Variants in OR1J2 observed in about 807,000 individuals in gnomAD.
The protein encoded by OR1J2 is olfactory receptor 1J2.
For synonymous variants in OR1J2, 142 were observed against 99.7 expected, an observed-to-expected ratio of 1.42 and a Z score of -2.52; for missense variants, 304 against 246.1, an observed-to-expected ratio of 1.24 and a Z score of -1.57.
chr9:122,560,036 A>T, the OR1J2 span, among the ~76,000 whole-genome samples: 1 of 152,112 alleles, frequency 6.6e-6, no homozygotes, highest in East Asian at 1.9e-4. Context: ...AATATATTTA[A>T]GATAGTTAGC....
chr9:122,532,924 A>G, the OR1J2 span, among the ~76,000 whole-genome samples: 2 of 152,038 alleles, frequency 1.3e-5, no homozygotes, highest in African/African-American at 4.8e-5. Context: ...GTGTGTTTTT[A>G]TGAGAATTAT....
the OR1J2 span, among the ~76,000 whole-genome samples, chr9:122,500,270 A>G: frequency 6.6e-6 from 1 of 152,128 alleles, no homozygotes; most frequent in Non-Finnish European, 1.5e-5. Flanking sequence ...GAGAGAAGCA[A>G]AATTGTCTCT....
chr9:122,552,136 A>G, the OR1J2 span, among the ~76,000 whole-genome samples: 1 of 139,834 alleles, frequency 7.2e-6, no homozygotes, highest in African/African-American at 2.6e-5. Flanking sequence ...TGACCAGGCA[A>G]AAGTTTCCTG....
chr9:122,469,989 A>C, the OR1J2 span, among the ~76,000 whole-genome samples: 2 of 152,228 alleles, frequency 1.3e-5, no homozygotes, highest in African/African-American at 2.4e-5. Flanking sequence ...GAAGCAGAGC[A>C]TAAAAGTTTG....
At chr9:122,550,406 G>T in the OR1J2 span, among the ~76,000 whole-genome samples, 1 of 151,964 alleles carries the variant, frequency 6.6e-6, no homozygotes, top group African/African-American at 2.4e-5. Context: ...CTACAAAGCA[G>T]GTATCACCTG....
At chr9:122,568,014 A>G in the OR1J2 span, 1 of 1,614,018 alleles carries the variant, frequency 6.2e-7, no homozygotes, top group East Asian at 2.2e-5. Context: ...GAGTGAGTGG[A>G]GGTGAGGAAA....
At chr9:122,520,393 C>T in the OR1J2 span, among the ~76,000 whole-genome samples, 6 of 152,156 alleles carry the variant, frequency 3.9e-5, no homozygotes, top group Non-Finnish European at 8.8e-5. Flanking sequence ...GATTCCCTTG[C>T]CATAGAAAAG....
chr9:122,573,595 T>C, the OR1J2 span, among the ~76,000 whole-genome samples: 1 of 152,228 alleles, frequency 6.6e-6, no homozygotes, highest in Admixed American at 6.5e-5. Context: ...GGGTTGTATA[T>C]TTTCTTATTG....
the OR1J2 span, chr9:122,447,690 G>C: frequency 6.6e-6 from 1 of 151,724 alleles, no homozygotes; most frequent in Non-Finnish European, 1.5e-5. Flanking sequence ...GACTGGCTGG[G>C]TTTCTTTCCT....
At chr9:122,465,958 C>T in the OR1J2 span, among the ~76,000 whole-genome samples, 1 of 152,154 alleles carries the variant, frequency 6.6e-6, no homozygotes, top group East Asian at 1.9e-4. Context: ...TTCCTTGGAG[C>T]AAGGCTGAAC....
the OR1J2 span, among the ~76,000 whole-genome samples, chr9:122,485,338 C>G: frequency 6.6e-6 from 1 of 152,210 alleles, no homozygotes; most frequent in Non-Finnish European, 1.5e-5. Flanking sequence ...GTCTTAGAGG[C>G]TAAAGGCTTT....
the OR1J2 span, among the ~76,000 whole-genome samples, chr9:122,540,109 C>G: frequency 6.6e-6 from 1 of 151,836 alleles, no homozygotes; most frequent in Non-Finnish European, 1.5e-5. Context: ...TGCAGAAACT[C>G]TTTAGTTTAA....
At chr9:122,454,749 A>T in the OR1J2 span, among the ~76,000 whole-genome samples, 1 of 152,176 alleles carries the variant, frequency 6.6e-6, no homozygotes, top group Non-Finnish European at 1.5e-5. Flanking sequence ...AATGTCTCAC[A>T]GGGGAGGGAC....
the OR1J2 span, among the ~76,000 whole-genome samples, chr9:122,479,883 T>C: frequency 2.0e-5 from 3 of 152,232 alleles, no homozygotes; most frequent in East Asian, 5.8e-4. Context: ...ATAACAGCTT[T>C]ATTAAAAAAC....
chr9:122,530,433 G>A, the OR1J2 span, among the ~76,000 whole-genome samples: 4 of 152,204 alleles, frequency 2.6e-5, no homozygotes, highest in Non-Finnish European at 5.9e-5. Context: ...ACAGATACAG[G>A]GAGTCATGGG....
the OR1J2 span, among the ~76,000 whole-genome samples, chr9:122,542,170 C>A: frequency 3.9e-5 from 6 of 152,180 alleles, no homozygotes; most frequent in African/African-American, 7.2e-5. Context: ...GAAGTTTGTT[C>A]TTTTTATTGC....
the OR1J2 span, among the ~76,000 whole-genome samples, chr9:122,459,538 A>G: frequency 3.9e-5 from 6 of 152,168 alleles, no homozygotes; most frequent in East Asian, 1.2e-3. Flanking sequence ...AGCAGCTTAG[A>G]TGAATCTTTC....
the OR1J2 span, among the ~76,000 whole-genome samples, chr9:122,471,663 T>C: frequency 1.3e-5 from 2 of 152,242 alleles, no homozygotes; most frequent in Non-Finnish European, 2.9e-5. Context: ...AATTAGACAC[T>C]GTGGAATCTA....
the OR1J2 span, among the ~76,000 whole-genome samples, chr9:122,494,403 T>A: frequency 2.7e-4 from 41 of 152,182 alleles, no homozygotes; most frequent in African/African-American, 9.6e-4. Flanking sequence ...TGATATTTTC[T>A]TGTTGGACTA....
Sources: allele counts gnomAD v4.1 joint callset (sites outside exome capture counted in the v4.1 genomes callset), GRCh38; gene constraint gnomAD v4.1.1; transcripts MANE v1.5; gene names NCBI Gene and HGNC (gene_info 2026-07-23, HGNC 2026-07-21).